Variants in CTNNA3 observed in about 807,000 individuals in gnomAD.
CTNNA3 encodes the protein catenin alpha-3.
Under a neutral mutation model 95.7 loss-of-function variants are expected in CTNNA3, and 76 were observed. The ratio of observed to expected loss-of-function variants is 0.79; its 90% confidence interval spans 0.66 to 0.96. The LOEUF (loss-of-function observed/expected upper bound fraction) is 0.96, where lower values mean the gene tolerates loss of function less well. Among genes scored for constraint, CTNNA3 ranks in the 40% least tolerant of loss-of-function variants. The pLI is 0.00. For synonymous variants in CTNNA3, 431 were observed against 374.4 expected, an observed-to-expected ratio of 1.15 and a Z score of -1.74; for missense variants, 1,191 against 1,089.8, an observed-to-expected ratio of 1.09 and a Z score of -1.31.
At chr10:66,492,835 C>G (rs185888068) in intron 11 of CTNNA3, among the ~76,000 whole-genome samples, 1 of 152,092 alleles carries the variant, frequency 6.6e-6, no homozygotes, top group Middle Eastern at 3.2e-3. Flanking sequence ...TATACTCCAT[C>G]TAGTTTAAAG....
At chr10:66,061,008 A>G (rs12357451) in intron 15 of CTNNA3, among the ~76,000 whole-genome samples, 35,542 of 151,984 alleles carry the variant, frequency 0.23, 4,192 homozygotes, top group Admixed American at 0.26. Flanking sequence ...AAAGTTTTAA[A>G]TCCTTTACTC....
intron 7 of CTNNA3, among the ~76,000 whole-genome samples, chr10:66,978,552 A>AAAATAT: frequency 2.4e-4 from 9 of 37,884 alleles, no homozygotes; most frequent in African/African-American, 6.9e-4. Context: ...AAAAAAAAAA[A>AAAATAT]ATATATATAT....
chr10:66,899,445 C>T lies in CTNNA3; in HGVS notation c.1048-123921G>A, dbSNP rs966964378. ...TCCGGTCGGAAGCTCCTAGCAAGAT[C>T]GACGCAGACCTGCATTTCCAACTGA... On this transcript the variant is annotated intron_variant, in intron 7 of 17. Transcript: ENST00000433211. 3.9e-5 allele frequency among the ~76,000 whole-genome samples: 6 copies of T among 152,172 alleles called. No individual in the cohort carries two copies. The East Asian group carries it at 9.7e-4, about 24-fold the overall frequency.
At chr10:65,989,201 A>G (rs1334279979) in intron 15 of CTNNA3, among the ~76,000 whole-genome samples, 1 of 152,204 alleles carries the variant, frequency 6.6e-6, no homozygotes, top group Admixed American at 6.5e-5. Context: ...GGCCTCCCAA[A>G]GTGCTGGGAT....
intron 7 of CTNNA3, among the ~76,000 whole-genome samples, chr10:67,025,129 CAAAAACAAAAA>C (rs1853278994): frequency 3.9e-5 from 1 of 25,368 alleles, no homozygotes; most frequent in Admixed American, 7.5e-4. Flanking sequence ...AAAACTCTGT[CAAAAACAAAAA>C]AAAAAAAGAA....
intron 11 of CTNNA3, among the ~76,000 whole-genome samples, chr10:66,381,667 C>T (rs2092839624): frequency 6.6e-6 from 1 of 152,004 alleles, no homozygotes; most frequent in Non-Finnish European, 1.5e-5. Flanking sequence ...ATAAATTTAA[C>T]CCATATTAAG....
At chr10:67,547,312 G>A (rs992371362) in intron 3 of CTNNA3, among the ~76,000 whole-genome samples, 2 of 151,972 alleles carry the variant, frequency 1.3e-5, no homozygotes, top group South Asian at 2.1e-4. Context: ...AATGAAAAAC[G>A]AGAGTGACTA....
Position 67,506,716 on chromosome 10 carries a change from C to A in CTNNA3, c.579+15126G>T, listed in dbSNP as rs574073964. 1.2e-4 allele frequency among the ~76,000 whole-genome samples: 18 copies of A among 152,234 alleles called. No homozygotes were observed. The East Asian group carries it at 2.7e-3, about 23-fold the overall frequency. On this transcript the variant is annotated intron_variant, in intron 5 of 17. Transcript: ENST00000433211. ...GTAGTCTTTTTGCCTGACAAGGACA[C>A]CGTAACAGTCATTGTGATGTCTTCT...
chr10:67,743,767 C>CA, intron 1 of CTNNA3, among the ~76,000 whole-genome samples: 1 of 151,298 alleles, frequency 6.6e-6, no homozygotes, highest in African/African-American at 2.4e-5. Flanking sequence ...TATCTCAGCC[C>CA]AAAATCTCCT....
intron 7 of CTNNA3, among the ~76,000 whole-genome samples, chr10:67,046,947 A>G (rs1419630250): frequency 6.6e-6 from 1 of 152,218 alleles, no homozygotes; most frequent in Non-Finnish European, 1.5e-5. Flanking sequence ...GTAAAGAAGA[A>G]ATAATTACCA....
intron 7 of CTNNA3, among the ~76,000 whole-genome samples, chr10:66,790,557 A>C (rs538486712): frequency 1.1e-4 from 16 of 152,164 alleles, no homozygotes; most frequent in Admixed American, 2.6e-4. Context: ...AAACAACAAT[A>C]ATATCAAATG....
intron 11 of CTNNA3, among the ~76,000 whole-genome samples, chr10:66,478,806 G>C (rs1346863235): frequency 6.6e-6 from 1 of 151,740 alleles, no homozygotes; most frequent in Non-Finnish European, 1.5e-5. Context: ...CAGACATGCA[G>C]AATAATGATA....
intron 12 of CTNNA3, among the ~76,000 whole-genome samples, chr10:66,347,178 T>A (rs2092528959): frequency 6.6e-6 from 1 of 152,136 alleles, no homozygotes; most frequent in Admixed American, 6.5e-5. Flanking sequence ...ACATGTCATT[T>A]CCTATGGGCC....
chr10:67,607,868 C>T lies in CTNNA3; in HGVS notation c.100-819G>A, dbSNP rs142818168. ...ATTTCTATGTTAAATATTTACTGAA[C>T]ACCTATTTTTTACATTGTTCTGGAT... On this transcript the variant is annotated intron_variant, in intron 2 of 17. Coordinates refer to ENST00000433211, the MANE Select transcript of CTNNA3 (RefSeq NM_013266.4). 4.5e-4 allele frequency among the ~76,000 whole-genome samples: 68 copies of T among 152,352 alleles called. No individual in the cohort carries two copies. The East Asian group carries it at 0.012, about 28-fold the overall frequency.
At chr10:67,390,151 T>C (rs12242514) in intron 5 of CTNNA3, among the ~76,000 whole-genome samples, 10,262 of 152,196 alleles carry the variant, frequency 0.067, 485 homozygotes, top group African/African-American at 0.13. Flanking sequence ...ACAAAATTGA[T>C]AGACCACTAG....
chr10:66,651,956 G>C (rs184336767), intron 9 of CTNNA3, among the ~76,000 whole-genome samples: 2 of 151,932 alleles, frequency 1.3e-5, no homozygotes, highest in Admixed American at 6.6e-5. Flanking sequence ...AGGAGGCACC[G>C]AGAGCGAGCA....
In CTNNA3 at chr10:66,901,172, C is replaced by T. The variant is rs192816446; in HGVS notation, c.1048-125648G>A. Among the ~76,000 whole-genome samples, 177 of 152,254 alleles carry T rather than the reference C, an allele frequency of 1.2e-3. No individual in the cohort carries two copies. The Middle Eastern group carries it at 0.017, about 15-fold the overall frequency. The stretch of plus-strand genomic sequence containing the variant: ...AAAAGGAAGCCCATCAAACTAACAG[C>T]GGATCTCTCAGCAGAAACTCTACAA... On this transcript the variant is annotated intron_variant, in intron 7 of 17. Coordinates refer to ENST00000433211, the MANE Select transcript of CTNNA3 (RefSeq NM_013266.4).
At chr10:66,784,236 T>C (rs573964605) in intron 7 of CTNNA3, among the ~76,000 whole-genome samples, 4 of 152,304 alleles carry the variant, frequency 2.6e-5, no homozygotes, top group African/African-American at 9.6e-5. Context: ...TTCTAAAGCA[T>C]GTGAGAAAGT....
At chr10:65,961,168 C>T (rs952283973) in intron 17 of CTNNA3, among the ~76,000 whole-genome samples, 5 of 151,670 alleles carry the variant, frequency 3.3e-5, no homozygotes, top group African/African-American at 9.7e-5. Flanking sequence ...AACAAAAATG[C>T]TTTTGGTGAC....
Sources: allele counts gnomAD v4.1 joint callset (sites outside exome capture counted in the v4.1 genomes callset), GRCh38; gene constraint gnomAD v4.1.1; transcripts MANE v1.5; gene names NCBI Gene and HGNC (gene_info 2026-07-23, HGNC 2026-07-21).